Variants in CREBBP observed in about 807,000 individuals in gnomAD.
CREBBP encodes the protein CREB-binding protein.
A neutral mutation model predicts 265.0 loss-of-function variants in CREBBP; 19 were observed. That is an observed-to-expected ratio of 0.07 (90% confidence interval 0.05 to 0.11). The LOEUF is 0.11. Ranked by LOEUF, CREBBP falls within the 10% of genes least tolerant of loss-of-function variation. The pLI is 1.00. For synonymous variants in CREBBP, 1,457 were observed against 1,223.7 expected (o/e 1.19, Z -3.98); for missense variants, 2,525 against 3,219.0 (o/e 0.78, Z 5.22).
intron 6 of CREBBP, 135 bp from the exon 7 acceptor site, chr16:3,781,441 T>C: frequency 1.4e-6 from 1 of 711,738 alleles, no homozygotes; most frequent in Non-Finnish European, 2.4e-6. Context: ...CCAGTTATAG[T>C]AAGCACTGCG....
At chr16:3,813,741 G>C (rs1403419823) in intron 2 of CREBBP, among the ~76,000 whole-genome samples, 2 of 152,170 alleles carry the variant, frequency 1.3e-5, no homozygotes, top group Non-Finnish European at 2.9e-5. Context: ...GCCCAGTTCT[G>C]AGGCTGCGTA....
chr16:3,765,845 T>C (rs568156346), intron 16 of CREBBP, among the ~76,000 whole-genome samples: 55 of 152,178 alleles, frequency 3.6e-4, no homozygotes, highest in African/African-American at 1.2e-3. Context: ...GGTTTCGCCA[T>C]GTTGCCTAGG....
At position 3,843,799 on chromosome 16, in the gene CREBBP, A is replaced by G. The variant is rs906823379; in HGVS notation, c.798+6498T>C. Among the ~76,000 whole-genome samples, 5 of 152,240 alleles carry G rather than the reference A, an allele frequency of 3.3e-5. No individual in the cohort carries two copies. In the East Asian group the frequency reaches 7.7e-4, roughly 23 times the overall value. On this transcript the variant is annotated intron_variant, in intron 2 of 30. Coordinates refer to ENST00000262367, the MANE Select transcript of CREBBP (RefSeq NM_004380.3). ...ATCACTGTAAGGGTGAAGTCTCTCA[A>G]TTCTTCATGTAATAGATAATTCCAA... is the stretch of plus-strand genomic sequence containing the variant.
At chr16:3,760,645 C>G (rs568195474) in intron 16 of CREBBP, among the ~76,000 whole-genome samples, 5 of 152,224 alleles carry the variant, frequency 3.3e-5, no homozygotes, top group Non-Finnish European at 4.4e-5. Context: ...CTCAAATGAT[C>G]TACCCGCCCT....
chr16:3,799,388 T>A (rs1167955929), intron 3 of CREBBP, among the ~76,000 whole-genome samples: 1 of 152,244 alleles, frequency 6.6e-6, no homozygotes, highest in East Asian at 1.9e-4. Flanking sequence ...CAATGAGGCA[T>A]GTTTAATCTA....
chr16:3,841,207 A>G (rs1007132971), intron 2 of CREBBP, among the ~76,000 whole-genome samples: 1 of 152,142 alleles, frequency 6.6e-6, no homozygotes, highest in African/African-American at 2.4e-5. Context: ...GTATCTGAAT[A>G]ACTTCAGTAT....
At chr16:3,855,005 G>C (rs1336141954) in intron 1 of CREBBP, among the ~76,000 whole-genome samples, 1 of 152,142 alleles carries the variant, frequency 6.6e-6, no homozygotes, top group Non-Finnish European at 1.5e-5. Flanking sequence ...CATAATCACA[G>C]TATGCATGTG....
At chr16:3,778,216 A>G (rs917753916) in intron 9 of CREBBP, 34 bp from the exon 10 acceptor site, 1 of 1,524,930 alleles carries the variant, frequency 6.6e-7, no homozygotes, top group Non-Finnish European at 9.1e-7. Flanking sequence ...TGAAACAGTT[A>G]AAACTGTAAA....
chr16:3,879,272 G>C (rs898471402), intron 1 of CREBBP, among the ~76,000 whole-genome samples: 1 of 151,280 alleles, frequency 6.6e-6, no homozygotes, highest in South Asian at 2.1e-4. Context: ...AAAACAAGGA[G>C]TTTTGAAAAT....
At chr16:3,747,319 A>G (rs750317309) in intron 21 of CREBBP, among the ~76,000 whole-genome samples, 16 of 152,370 alleles carry the variant, frequency 1.1e-4, no homozygotes, top group South Asian at 2.1e-4. Flanking sequence ...AGACAGTGTA[A>G]TGGCCCTTCA....
intron 11 of CREBBP, among the ~76,000 whole-genome samples, chr16:3,776,099 T>C (rs2053132098): frequency 6.6e-6 from 1 of 152,088 alleles, no homozygotes; most frequent in Admixed American, 6.5e-5. Flanking sequence ...GTATTTTTAA[T>C]AGAGACGGGG....
At chr16:3,770,426 G>T (rs2052972761) in intron 14 of CREBBP, 144 bp downstream of exon 14, 1 of 967,050 alleles carries the variant, frequency 1.0e-6, no homozygotes, top group Non-Finnish European at 1.6e-6. Context: ...GAACTCATGG[G>T]CTCAAGTGAT....
chr16:3,738,387 C>A (rs1397392939), intron 26 of CREBBP, among the ~76,000 whole-genome samples, 172 bp downstream of exon 26: 1 of 148,802 alleles, frequency 6.7e-6, no homozygotes, highest in Non-Finnish European at 1.5e-5. Context: ...AGGAGCCAGA[C>A]CTGTGAGGCT....
At chr16:3,762,290 A>T (rs2052738107) in intron 16 of CREBBP, among the ~76,000 whole-genome samples, 1 of 151,448 alleles carries the variant, frequency 6.6e-6, no homozygotes, top group African/African-American at 2.4e-5. Context: ...AACAAGTGTC[A>T]CTTTGGTTGA....
In CREBBP at chr16:3,846,323, G is replaced by A. The variant is rs78949699; in HGVS notation, c.798+3974C>T. On this transcript the variant is annotated intron_variant, in intron 2 of 30. Coordinates refer to ENST00000262367, the MANE Select transcript of CREBBP (RefSeq NM_004380.3). ...AAAAGGATGGTAATATTCAGTGTTG[G>A]TCAAGATTTGGACAGAGGCTCAATC... 0.014 allele frequency among the ~76,000 whole-genome samples: 2,072 copies of A among 152,338 alleles called. 141 individuals are homozygous for A. In the East Asian group the frequency reaches 0.19, roughly 14 times the overall value.
chr16:3,796,454 T>C (rs1393260355), intron 3 of CREBBP, among the ~76,000 whole-genome samples: 1 of 150,636 alleles, frequency 6.6e-6, no homozygotes, highest in Non-Finnish European at 1.5e-5. Flanking sequence ...TGGCGCCACC[T>C]CAGCTTACTG....
In CREBBP at chr16:3,781,255, G is replaced by T; in HGVS notation, c.1625C>A (p.Pro542His). 7 of 1,613,978 alleles carry T rather than the reference G, an allele frequency of 4.3e-6. No individual in the cohort carries two copies. Among genetic ancestry groups the T allele is most frequent in the East Asian group, 2.2e-5 (1 of 44,866 alleles). The stretch of plus-strand genomic sequence containing the variant: ...AGCTGATTCTGAAATCAAGTTTGGG[G>T]GCTGCTGATCTGTTGTTATTCCTCC... ...PAGGITTDQQ[P>H]PNLISESALP... Residue 542 changes from proline (P) to histidine (H), a missense_variant, in exon 7 of 31, where the codon CCC becomes CAC. Coordinates refer to ENST00000262367, the MANE Select transcript of CREBBP (RefSeq NM_004380.3).
Position 3,731,022 on chromosome 16 carries a change from G to A in CREBBP, c.5172+170C>T, listed in dbSNP as rs2051899926. On this transcript the variant is annotated intron_variant, in intron 30 of 30. Transcript: ENST00000262367. The surrounding 1 kb of genome is among the most constrained non-coding windows in gnomAD (Gnocchi z 7.7). ...CTGTGGCTACACAGAGCAGGTTTAG[G>A]AAACACACACACAGCAACGCCTTCT... 6.6e-6 allele frequency among the ~76,000 whole-genome samples: 1 copy of A among 152,228 alleles called. No homozygotes were observed. The highest frequency in any genetic ancestry group is 2.4e-5 in the African/African-American group (1 of 41,454).
intron 21 of CREBBP, among the ~76,000 whole-genome samples, chr16:3,746,953 C>T (rs1326358008): frequency 6.6e-6 from 1 of 152,024 alleles, no homozygotes; most frequent in Non-Finnish European, 1.5e-5. Context: ...TCAAAAACAA[C>T]AAACAAAATC....
Sources: gnomAD v4.1 joint callset for allele counts (sites outside exome capture counted in the v4.1 genomes callset) on GRCh38, gnomAD v4.1.1 for gene constraint, Gnocchi (gnomAD v3.1) non-coding constraint, MANE v1.5 for transcripts, NCBI Gene and HGNC (gene_info 2026-07-23, HGNC 2026-07-21) for gene names.